FOXP2: variants seen among roughly 807,000 people sequenced by gnomAD.
FOXP2 encodes forkhead box P2, also known as forkhead box protein P2.
A neutral mutation model predicts 115.8 loss-of-function variants in FOXP2; 12 were observed. The observed-to-expected ratio is 0.10, with a 90% CI of 0.07 to 0.17. The LOEUF (loss-of-function observed/expected upper bound fraction) is 0.17. Among genes scored for constraint, FOXP2 ranks in the 10% least tolerant of loss-of-function variants. FOXP2 has a pLI of 1.00. For missense variants in FOXP2, 629 were observed against 843.5 expected (o/e 0.75, Z 3.15); for synonymous variants, 328 against 297.7 (o/e 1.10, Z -1.05).
At chr7:114,291,124 C>A (rs1445565436) in intron 2 of FOXP2, among the ~76,000 whole-genome samples, 1 of 152,120 alleles carries the variant, frequency 6.6e-6, no homozygotes, top group East Asian at 1.9e-4. Context: ...GGATTATAAA[C>A]AGAAATTTAA....
At position 114,678,659 on chromosome 7, in the gene FOXP2, A is replaced by T. The variant is rs191160371; in HGVS notation, c.2004-11123A>T. On this transcript the variant is annotated intron_variant, in intron 16 of 16. Transcript: ENST00000350908. The stretch of plus-strand genomic sequence containing the variant: ...TTTCCTTAAAATGCTATAAGAACAC[A>T]GATGAAAAATTAAAAATAAATAAAA... Among the ~76,000 whole-genome samples, 24 of 151,048 alleles carry T rather than the reference A, an allele frequency of 1.6e-4. No individual in the cohort carries two copies. The East Asian group carries it at 3.9e-3, about 25-fold the overall frequency.
At chr7:114,626,302 T>C (rs1056627164) in intron 3 of FOXP2, among the ~76,000 whole-genome samples, 4 of 151,886 alleles carry the variant, frequency 2.6e-5, no homozygotes, top group Non-Finnish European at 5.9e-5. Flanking sequence ...AGTCATATTA[T>C]ATGTATAAGC....
intron 2 of FOXP2, among the ~76,000 whole-genome samples, chr7:114,324,145 CCTCCTATT>C (rs1797497707): frequency 6.6e-6 from 1 of 151,728 alleles, no homozygotes; most frequent in South Asian, 2.1e-4. Flanking sequence ...CATTGTAAAT[CCTCCTATT>C]CTCCCAGTAC....
At chr7:114,659,703 C>A (rs144807019) in intron 13 of FOXP2, 30 bp downstream of exon 13, 1 of 1,524,134 alleles carries the variant, frequency 6.6e-7, no homozygotes, top group South Asian at 1.1e-5. Context: ...TTTTAAGATG[C>A]CTACCACAGT....
At chr7:114,384,738 T>C (rs1792399237) in intron 2 of FOXP2, among the ~76,000 whole-genome samples, 2 of 151,926 alleles carry the variant, frequency 1.3e-5, no homozygotes, top group African/African-American at 4.8e-5. Context: ...AGCTACCTTT[T>C]TGCTTTTTTT....
chr7:114,361,957 C>T (rs541211649), intron 2 of FOXP2, among the ~76,000 whole-genome samples: 6 of 151,890 alleles, frequency 4.0e-5, no homozygotes, highest in African/African-American at 1.4e-4. Flanking sequence ...AGGAACAATG[C>T]CTAAAGATCT....
chr7:114,306,822 T>A (rs1477383245), intron 2 of FOXP2, among the ~76,000 whole-genome samples: 4 of 152,066 alleles, frequency 2.6e-5, no homozygotes, highest in African/African-American at 9.7e-5. Context: ...CTACATTTCT[T>A]GGCTTGGAGG....
upstream of FOXP2, chr7:114,086,563 G>T (rs1385322869): frequency 1.9e-5 from 8 of 410,778 alleles, no homozygotes; most frequent in Non-Finnish European, 3.4e-5. Flanking sequence ...CTGCCTCGCC[G>T]CCGCGGGTGC....
At chr7:114,459,611 T>TTTTG (rs750622370) in intron 2 of FOXP2, among the ~76,000 whole-genome samples, 20 of 152,216 alleles carry the variant, frequency 1.3e-4, no homozygotes, top group African/African-American at 2.4e-4. Context: ...TTTTGTTTGT[T>TTTTG]TTTGTTTGTT....
chr7:114,475,057 T>C (rs1443373082), intron 2 of FOXP2, among the ~76,000 whole-genome samples: 2 of 152,060 alleles, frequency 1.3e-5, no homozygotes, highest in African/African-American at 4.8e-5. Flanking sequence ...ATACAGACCA[T>C]AATAAAGCAT....
At chr7:114,279,063 T>C (rs188039617) in intron 1 of FOXP2, among the ~76,000 whole-genome samples, 1 of 152,224 alleles carries the variant, frequency 6.6e-6, no homozygotes, top group Admixed American at 6.5e-5. Flanking sequence ...TTCAAGAAAA[T>C]GGAAGTGTTG....
At chr7:114,535,373 A>C (rs1051448494) in intron 3 of FOXP2, among the ~76,000 whole-genome samples, 3 of 150,728 alleles carry the variant, frequency 2.0e-5, no homozygotes, top group African/African-American at 7.3e-5. Flanking sequence ...ATATTTTTTG[A>C]CTGTTTGGAA....
chr7:114,446,871 C>G lies in FOXP2; in HGVS notation c.168+20192C>G, dbSNP rs547752513. Among the ~76,000 whole-genome samples the G allele has an allele frequency of 3.3e-5, 5 of 151,940 alleles. No individual in the cohort carries two copies. In the South Asian group the frequency reaches 1.0e-3, roughly 32 times the overall value. On this transcript the variant is annotated intron_variant, in intron 2 of 16. Transcript: ENST00000350908. ...TCAAGTGATTCTCTTGTCTCAGCCT[C>G]CCAAGTAGCTGGGATTACAGGCACA...
intron 2 of FOXP2, among the ~76,000 whole-genome samples, chr7:114,476,092 T>TG (rs1197783779): frequency 1.3e-5 from 2 of 151,762 alleles, no homozygotes; most frequent in Non-Finnish European, 2.9e-5. Context: ...ACTTGGGTTT[T>TG]TTTTTTTTTT....
At chr7:114,676,046 A>T (rs1807738708) in intron 16 of FOXP2, among the ~76,000 whole-genome samples, 1 of 148,322 alleles carries the variant, frequency 6.7e-6, no homozygotes, top group Admixed American at 6.7e-5. Flanking sequence ...AGTAGCTGGG[A>T]CTACAGATAT....
chr7:114,291,095 A>G (rs1358409649), intron 2 of FOXP2, among the ~76,000 whole-genome samples: 1 of 152,160 alleles, frequency 6.6e-6, no homozygotes, highest in African/African-American at 2.4e-5. Flanking sequence ...CTGTTATAAC[A>G]AAGTACCATA....
intron 2 of FOXP2, among the ~76,000 whole-genome samples, chr7:114,481,104 A>T (rs1796515916): frequency 6.6e-6 from 1 of 151,166 alleles, no homozygotes; most frequent in East Asian, 1.9e-4. Context: ...AACTCTGAGG[A>T]TATGTTGATA....
intron 1 of FOXP2, among the ~76,000 whole-genome samples, chr7:114,417,548 G>A (rs186296674): frequency 2.0e-4 from 30 of 151,986 alleles, no homozygotes; most frequent in Admixed American, 6.6e-4. Flanking sequence ...CATAAATGAT[G>A]CAGTTAAGCA....
At chr7:114,625,535 T>G (rs983292086) in intron 3 of FOXP2, among the ~76,000 whole-genome samples, 2 of 151,856 alleles carry the variant, frequency 1.3e-5, no homozygotes, top group African/African-American at 4.8e-5. Flanking sequence ...CTCTACATTT[T>G]TATATGTATA....
Sources: gnomAD v4.1 joint callset for allele counts (sites outside exome capture counted in the v4.1 genomes callset) on GRCh38, gnomAD v4.1.1 for gene constraint, MANE v1.5 for transcripts, NCBI Gene and HGNC (gene_info 2026-07-23, HGNC 2026-07-21) for gene names.